Variants in LARP1 observed in about 807,000 individuals in gnomAD.
The protein encoded by LARP1 is la-related protein 1.
A neutral mutation model predicts 122.7 loss-of-function variants in LARP1; 36 were observed. The observed-to-expected ratio is 0.29, with a 90% CI of 0.22 to 0.39. LARP1 has a LOEUF of 0.39. Ranked by LOEUF, LARP1 falls within the 10% of genes least tolerant of loss-of-function variation. The pLI, the probability that LARP1 is intolerant of heterozygous loss-of-function variation, is 1.00. For missense variants in LARP1, 1,040 were observed against 1,403.6 expected (o/e 0.74, Z 4.14); for synonymous variants, 539 against 528.7 (o/e 1.02, Z -0.27).
In LARP1 at chr5:154,803,759, G is replaced by C. The variant is rs773626148; in HGVS notation, c.2439+14G>C. 6 of 1,612,284 alleles carry C rather than the reference G, an allele frequency of 3.7e-6. No individual in the cohort carries two copies. The highest frequency in any genetic ancestry group is 5.1e-6 in the Non-Finnish European group (6 of 1,178,254). The stretch of plus-strand genomic sequence containing the variant: ...CTGGATGCCAAGGTGAGGCATTCCT[G>C]TCGGGCTGCTCAGAGTCTTGGGTCT... On this transcript the variant is annotated intron_variant, in intron 13 of 18. Transcript: ENST00000518297. This position sits in a 1 kb window ranked among gnomAD's most constrained non-coding sequence, Gnocchi z 4.4.
intron 1 of LARP1, 55 bp from the exon 2 acceptor site, chr5:154,790,270 A>T: frequency 6.8e-7 from 1 of 1,460,192 alleles, no homozygotes; most frequent in Non-Finnish European, 9.5e-7. Context: ...AGGAGCTGGC[A>T]GTAGCCCCCT....
At chr5:154,700,632 GT>G (rs892113437) in intron 1 of LARP1, among the ~76,000 whole-genome samples, 3 of 152,002 alleles carry the variant, frequency 2.0e-5, no homozygotes, top group Non-Finnish European at 4.4e-5. Context: ...CACCTTTGTT[GT>G]TGTTGTTTGA....
rs893443295 is a variant in LARP1 at position 154,803,176 on chromosome 5, G to C, written c.2110-114G>C. On this transcript the variant is annotated intron_variant, in intron 11 of 18. Coordinates refer to ENST00000518297, the MANE Select transcript of LARP1 (RefSeq NM_033551.3). This position sits in a 1 kb window ranked among gnomAD's most constrained non-coding sequence, Gnocchi z 4.4. ...GAGAGCCTGGGGACCAGAATTCCAC[G>C]TATGTCGACGTGGGAGCTGCCCTCT... The C allele has an allele frequency of 2.2e-6, 3 of 1,376,810 alleles. No homozygotes were observed. Among genetic ancestry groups the C allele is most frequent in the Non-Finnish European group, 3.1e-6 (3 of 983,144 alleles). The allele number at this position is 1,376,810 out of a possible 1,614,324, so 85.3% of individuals were successfully genotyped here. A position where few individuals can be genotyped will look rare whatever the true frequency, so the allele number is the denominator to read the frequency against.
intron 1 of LARP1, among the ~76,000 whole-genome samples, chr5:154,761,382 A>G (rs1297520440): frequency 6.6e-6 from 1 of 152,174 alleles, no homozygotes; most frequent in African/African-American, 2.4e-5. Flanking sequence ...CCCACTGTCT[A>G]TAGTGGGACC....
At chr5:154,788,927 T>TTTA (rs1438197412) in intron 1 of LARP1, among the ~76,000 whole-genome samples, 1 of 152,122 alleles carries the variant, frequency 6.6e-6, no homozygotes, top group Non-Finnish European at 1.5e-5. Context: ...TTTAAAAAAC[T>TTTA]TTAGCCAGGC....
At chr5:154,768,529 T>C in intron 1 of LARP1, among the ~76,000 whole-genome samples, 1 of 152,132 alleles carries the variant, frequency 6.6e-6, no homozygotes, top group East Asian at 1.9e-4. Flanking sequence ...GAAATCAGAG[T>C]CAATAAGCAA....
intron 10 of LARP1, among the ~76,000 whole-genome samples, chr5:154,800,781 A>G (rs150214276): frequency 6.6e-6 from 1 of 152,128 alleles, no homozygotes; most frequent in Non-Finnish European, 1.5e-5. Flanking sequence ...ATTGACCTTG[A>G]ACTTTGGGTC....
At chr5:154,738,471 A>G (rs1317543818) in intron 1 of LARP1, among the ~76,000 whole-genome samples, 5 of 152,226 alleles carry the variant, frequency 3.3e-5, no homozygotes, top group Non-Finnish European at 7.3e-5. Flanking sequence ...ACATGCCTGT[A>G]ATCCCAGCTA....
At chr5:154,696,033 G>A (rs991561249) in intron 1 of LARP1, among the ~76,000 whole-genome samples, 7 of 151,962 alleles carry the variant, frequency 4.6e-5, no homozygotes, top group African/African-American at 1.5e-4. Context: ...ATTTATCTCA[G>A]AGTGTCCAGT....
Position 154,804,242 on chromosome 5 carries a change from C to T in LARP1, c.2481C>T (p.Pro827=). 1 of 1,614,164 alleles carries T rather than the reference C, an allele frequency of 6.2e-7. No individual in the cohort carries two copies. The highest frequency in any genetic ancestry group is 8.5e-7 in the Non-Finnish European group (1 of 1,180,014). Residue 827 remains proline (P), a synonymous_variant, in exon 14 of 19, where the codon CCC becomes CCT. Transcript: ENST00000518297. ...KRKTRHSSNP[P]LESHVGWVMD... ...AGACAAGACACAGTTCAAACCCACC[C>T]TTGGAGAGCCATGTGGGCTGGGTGA... is the stretch of plus-strand genomic sequence containing the variant.
At chr5:154,712,922 C>G (rs758483086) in exon 1 of LARP1, 3 of 1,614,116 alleles carry the variant, frequency 1.9e-6, no homozygotes. Flanking sequence ...GCCCTGGTCA[C>G]TCCATGCTTT....
At chr5:154,791,523 T>A (rs900612944) in intron 3 of LARP1, among the ~76,000 whole-genome samples, 1 of 152,240 alleles carries the variant, frequency 6.6e-6, no homozygotes. Flanking sequence ...AGCCTCTGTT[T>A]TCTAAACTTA....
At chr5:154,724,610 G>A (rs1369912677) in intron 1 of LARP1, among the ~76,000 whole-genome samples, 1 of 151,908 alleles carries the variant, frequency 6.6e-6, no homozygotes. Flanking sequence ...AGGTAAACAA[G>A]GCTTTCCATT....
intron 1 of LARP1, among the ~76,000 whole-genome samples, chr5:154,747,727 G>T (rs1210211598): frequency 6.6e-6 from 1 of 152,028 alleles, no homozygotes; most frequent in African/African-American, 2.4e-5. Context: ...AGCCAGGCAT[G>T]GTTACGCATG....
At chr5:154,740,239 C>A (rs1260814676) in intron 1 of LARP1, among the ~76,000 whole-genome samples, 1 of 150,804 alleles carries the variant, frequency 6.6e-6, no homozygotes, top group Non-Finnish European at 1.5e-5. Context: ...TAAAAAAATA[C>A]AAAATTAGCC....
Position 154,701,916 on chromosome 5 carries a change from C to T in LARP1, c.-180+18879C>T, listed in dbSNP as rs546843925. On this transcript the variant is annotated intron_variant, in intron 1 of 18. Transcript: ENST00000687700. The stretch of plus-strand genomic sequence containing the variant: ...GATTACAGGTGTGAGTCACTGCACC[C>T]GGCCAAACTTTCTCTTTTATCTGTA... Among the ~76,000 whole-genome samples the T allele has an allele frequency of 3.1e-3, 475 of 152,184 alleles. 2 individuals are homozygous for T. Among genetic ancestry groups the T allele is most frequent in the Middle Eastern group, 0.017 (5 of 294 alleles).
chr5:154,802,184 G>A lies in LARP1; in HGVS notation c.1894G>A (p.Asp632Asn). 1.2e-6 allele frequency: 2 copies of A among 1,614,174 alleles called. No individual in the cohort carries two copies. The highest frequency in any genetic ancestry group is 2.7e-5 in the African/African-American group (2 of 75,024). Residue 632 changes from aspartate (D) to asparagine (N), a missense_variant, in exon 11 of 19, where the codon GAC becomes AAC. Transcript: ENST00000518297. The surrounding 1 kb of genome is among the most constrained non-coding windows in gnomAD (Gnocchi z 5.1). ...TFTAWSDEES[D>N]YEIDDRDVNK... Reference sequence around the variant, plus strand: ...CACTGCCTGGTCTGATGAGGAATCTGACTATGAGATTGATGACAGGGATGT... The same window carrying A: ...CACTGCCTGGTCTGATGAGGAATCTAACTATGAGATTGATGACAGGGATGT...
chr5:154,753,159 AG>A (rs1028188924), upstream of LARP1, among the ~76,000 whole-genome samples: 1 of 152,214 alleles, frequency 6.6e-6, no homozygotes, highest in African/African-American at 2.4e-5. Context: ...CTCAGGGGTC[AG>A]GGGAGGGTAC....
chr5:154,796,114 ATATATAT>A (rs1757808420), intron 8 of LARP1, among the ~76,000 whole-genome samples: 11 of 106,676 alleles, frequency 1.0e-4, no homozygotes, highest in Admixed American at 7.3e-4. Flanking sequence ...TATATATAGT[ATATATAT>A]TATATATATT....
Sources: allele counts gnomAD v4.1 joint callset (sites outside exome capture counted in the v4.1 genomes callset), GRCh38; gene constraint gnomAD v4.1.1; non-coding constraint Gnocchi (gnomAD v3.1); transcripts MANE v1.5; gene names NCBI Gene and HGNC (gene_info 2026-07-23, HGNC 2026-07-21).